Variants in PLCG2 observed in about 807,000 individuals in gnomAD.
The protein encoded by PLCG2 is phospholipase C gamma 2.
Under a neutral mutation model 175.6 loss-of-function variants are expected in PLCG2, and 69 were observed. That is an observed-to-expected ratio of 0.39 (90% CI 0.32 to 0.48). PLCG2 has a LOEUF of 0.48. Ranked by LOEUF, PLCG2 falls within the 20% of genes least tolerant of loss-of-function variation. The pLI, the probability that PLCG2 is intolerant of heterozygous loss-of-function variation, is 0.91. For synonymous variants in PLCG2, 827 were observed against 624.0 expected, an observed-to-expected ratio of 1.33 and a Z score of -4.85; for missense variants, 1,798 against 1,650.9, an observed-to-expected ratio of 1.09 and a Z score of -1.54.
chr16:81,831,335 T>C (rs1408600303), intron 2 of PLCG2, among the ~76,000 whole-genome samples: 1 of 152,228 alleles, frequency 6.6e-6, no homozygotes, highest in East Asian at 1.9e-4. Context: ...TTTGTTGACC[T>C]AATGGCTGAA....
At chr16:81,748,534 A>T (rs1177546996) in intron 1 of PLCG2, among the ~76,000 whole-genome samples, 1 of 152,194 alleles carries the variant, frequency 6.6e-6, no homozygotes, top group Non-Finnish European at 1.5e-5. Flanking sequence ...CTCGGAGAGG[A>T]GAACTGGTTT....
chr16:81,878,658 G>A (rs1195151527), intron 7 of PLCG2, among the ~76,000 whole-genome samples: 1 of 151,962 alleles, frequency 6.6e-6, no homozygotes, highest in African/African-American at 2.4e-5. Context: ...CTTCATCTTG[G>A]CACGTCAGCC....
chr16:81,827,018 C>T (rs184056501), intron 2 of PLCG2, among the ~76,000 whole-genome samples: 1 of 152,170 alleles, frequency 6.6e-6, no homozygotes, highest in African/African-American at 2.4e-5. Flanking sequence ...CCTCCCTGTT[C>T]CCCTAGGGAA....
At chr16:81,953,314 T>C (rs1911441191) in intron 31 of PLCG2, among the ~76,000 whole-genome samples, 1 of 152,124 alleles carries the variant, frequency 6.6e-6, no homozygotes, top group African/African-American at 2.4e-5. Flanking sequence ...CCGATATTAA[T>C]TTCTTAGTTT....
At chr16:81,796,110 C>T (rs756935711) in intron 2 of PLCG2, among the ~76,000 whole-genome samples, 10 of 152,182 alleles carry the variant, frequency 6.6e-5, no homozygotes, top group Non-Finnish European at 1.2e-4. Flanking sequence ...ACAGTCTCAT[C>T]GCTGGGCTGC....
At position 81,816,662 on chromosome 16, in the gene PLCG2, T is replaced by C. The variant is rs899441474; in HGVS notation, c.193+30480T>C. On this transcript the variant is annotated intron_variant, in intron 2 of 32. Transcript: ENST00000564138. ...CCCAGCTAATTTTAATTTTTTTTTT[T>C]TTTTTTTTTTTTTTTTTTTAGTAGA... 8.8e-4 allele frequency among the ~76,000 whole-genome samples: 118 copies of C among 133,402 alleles called. 6 individuals are homozygous for C. Among genetic ancestry groups the C allele is most frequent in the East Asian group, 7.4e-3 (35 of 4,702 alleles). 87.5% of individuals were successfully genotyped at this position (133,402 alleles called of 152,430 possible).
intron 17 of PLCG2, among the ~76,000 whole-genome samples, chr16:81,909,056 T>C (rs2143653031): frequency 6.6e-6 from 1 of 152,332 alleles, no homozygotes; most frequent in South Asian, 2.1e-4. Context: ...TGTGCATTCA[T>C]TCATCCACCC....
chr16:81,773,947 C>G lies in PLCG2; in HGVS notation c.-47-11996C>G, dbSNP rs75752045. On this transcript the variant is annotated intron_variant, in intron 2 of 5. Transcript: ENST00000565054. ...ATGGTTGCTGCTATATCCCTGGAGCCTGGGAGTGCCTGGCCCCTTGCAGGC... is the reference window on the plus strand; with the variant it reads ...ATGGTTGCTGCTATATCCCTGGAGCGTGGGAGTGCCTGGCCCCTTGCAGGC... 4.2e-3 allele frequency among the ~76,000 whole-genome samples: 637 copies of G among 152,018 alleles called. 7 individuals are homozygous for G. Among genetic ancestry groups the G allele is most frequent in the African/African-American group, 0.015 (617 of 41,462 alleles).
intron 11 of PLCG2, 47 bp from the exon 12 acceptor site, chr16:81,893,662 C>T (rs1294638990): frequency 6.8e-6 from 8 of 1,178,278 alleles, no homozygotes; most frequent in Non-Finnish European, 1.0e-5. Flanking sequence ...GCCCCCCAAC[C>T]CCTGTGGCTG....
rs1323160363 is a variant in PLCG2, at chr16:81,803,229, C to A, written c.193+17047C>A. Among the ~76,000 whole-genome samples the A allele has an allele frequency of 2.6e-5, 4 of 151,368 alleles. No homozygotes were observed. The East Asian group carries it at 7.9e-4, about 30-fold the overall frequency. On this transcript the variant is annotated intron_variant, in intron 2 of 32. Coordinates refer to ENST00000564138, the MANE Select transcript of PLCG2 (RefSeq NM_002661.5). ...TGCCTCATGGGTTCATGCCATTCTC[C>A]TGCCTCAGCCTCCTGAGTAGCTGGG...
At chr16:81,748,402 T>TA (rs1909744996) in intron 1 of PLCG2, among the ~76,000 whole-genome samples, 1 of 145,494 alleles carries the variant, frequency 6.9e-6, no homozygotes, top group Admixed American at 6.8e-5. Context: ...ACTTAAAAAA[T>TA]TAAAAAAAAA....
intron 30 of PLCG2, among the ~76,000 whole-genome samples, chr16:81,945,686 G>A (rs570289294): frequency 3.9e-5 from 6 of 152,336 alleles, no homozygotes; most frequent in African/African-American, 1.4e-4. Flanking sequence ...ATGGCTTTAG[G>A]AGGAGGAAGA....
Position 81,901,493 on chromosome 16 carries a change from C to G in PLCG2, c.1362+713C>G, listed in dbSNP as rs542187172. On this transcript the variant is annotated intron_variant, in intron 14 of 32. Transcript: ENST00000564138. The stretch of plus-strand genomic sequence containing the variant: ...GGACCCGGGGCCCCCGCATTCTGCT[C>G]TAGCATCTCTCAGGGCAGCAGTTTT... Among the ~76,000 whole-genome samples, 6 of 152,336 alleles carry G rather than the reference C, an allele frequency of 3.9e-5. No homozygotes were observed. In the South Asian group the frequency reaches 6.2e-4, roughly 16 times the overall value.
chr16:81,931,576 G>A lies in PLCG2; in HGVS notation c.2661G>A (p.Glu887=). Residue 887 remains glutamate, a synonymous_variant, in exon 25 of 33, where the codon GAG becomes GAA. Transcript: ENST00000564138. The stretch of plus-strand genomic sequence containing the variant: ...AGCAGCAGGGCGATCCTCCGGTGGA[G>A]TTTGCCACAGACAGGGTGGAGGAGC... The part of the protein sequence containing the change: ...EPKQQGDPPV[E]FATDRVEELF... 6.2e-7 allele frequency: 1 copy of A among 1,614,134 alleles called. No individual in the cohort carries two copies. The highest frequency in any genetic ancestry group is 8.5e-7 in the Non-Finnish European group (1 of 1,179,994).
intron 2 of PLCG2, among the ~76,000 whole-genome samples, chr16:81,847,055 A>T (rs12933526): frequency 0.29 from 43,562 of 152,096 alleles, 6,971 homozygotes; most frequent in Non-Finnish European, 0.36. Context: ...GGTGCCAGTC[A>T]CAAGCCCAAG....
chr16:81,902,997 A>T (rs892783583), intron 14 of PLCG2, among the ~76,000 whole-genome samples: 2 of 152,172 alleles, frequency 1.3e-5, no homozygotes, highest in African/African-American at 4.8e-5. Context: ...GGTTCCTCCT[A>T]TGACACGTGG....
chr16:81,908,544 G>C lies in PLCG2; in HGVS notation c.1686G>C (p.Leu562=), dbSNP rs748100966. Reference sequence around the variant, plus strand: ...CGGGGGGCAAGGATGGCACCTTCCTGGTTCGGGAGAGCGAGACCTTCCCCA... The same window carrying C: ...CGGGGGGCAAGGATGGCACCTTCCTCGTTCGGGAGAGCGAGACCTTCCCCA... ...METGGKDGTF[L]VRESETFPND... Residue 562 remains leucine (L), a synonymous_variant, in exon 17 of 33, where the codon CTG becomes CTC. Coordinates refer to ENST00000564138, the MANE Select transcript of PLCG2 (RefSeq NM_002661.5). The C allele has an allele frequency of 6.2e-7, 1 of 1,613,312 alleles. No homozygotes were observed. The highest frequency in any genetic ancestry group is 1.7e-5 in the Admixed American group (1 of 60,020).
chr16:81,778,072 A>AAC (rs1355026617), upstream of PLCG2, among the ~76,000 whole-genome samples: 1 of 97,530 alleles, frequency 1.0e-5, no homozygotes, highest in Non-Finnish European at 2.1e-5. Flanking sequence ...AACCAAAAAC[A>AAC]CACACACACA....
At chr16:81,889,498 C>G (rs968492887) in intron 10 of PLCG2, 1 of 436,016 alleles carries the variant, frequency 2.3e-6, no homozygotes, top group African/African-American at 2.0e-5. Flanking sequence ...TGCCTGCTGC[C>G]TAGACAGAAC....
Sources: gnomAD v4.1 joint callset for allele counts (sites outside exome capture counted in the v4.1 genomes callset) on GRCh38, gnomAD v4.1.1 for gene constraint, MANE v1.5 for transcripts, NCBI Gene and HGNC (gene_info 2026-07-23, HGNC 2026-07-21) for gene names.